SHANK2: variants seen among roughly 807,000 people sequenced by gnomAD.
The protein encoded by SHANK2 is SH3 and multiple ankyrin repeat domains protein 2.
SHANK2 carries 43 observed loss-of-function variants against 133.7 expected under a neutral mutation model. The observed-to-expected ratio is 0.32, with a 90% CI of 0.25 to 0.41. SHANK2 has a LOEUF of 0.41. Ranked by LOEUF, SHANK2 falls within the 10% of genes least tolerant of loss-of-function variation. The probability of loss-of-function intolerance (pLI) is 1.00; values close to 1 mark genes in which losing one functional copy is unlikely to be tolerated. For missense variants in SHANK2, 1,994 were observed against 2,235.8 expected, an observed-to-expected ratio of 0.89 and a Z score of 2.18; for synonymous variants, 1,017 against 952.8, an observed-to-expected ratio of 1.07 and a Z score of -1.24.
intron 11 of SHANK2, among the ~76,000 whole-genome samples, chr11:70,846,155 G>A (rs555305673): frequency 9.8e-5 from 15 of 152,288 alleles, no homozygotes; most frequent in East Asian, 1.9e-4. Context: ...AGAGGGTGCC[G>A]GTGGTGGGGT....
chr11:70,519,389 C>G (rs913629945), intron 17 of SHANK2, among the ~76,000 whole-genome samples: 1 of 152,178 alleles, frequency 6.6e-6, no homozygotes. Flanking sequence ...CATGGTGGCT[C>G]ACGCCTGTAA....
chr11:70,943,717 T>G (rs782212154), intron 10 of SHANK2, among the ~76,000 whole-genome samples: 14 of 152,098 alleles, frequency 9.2e-5, no homozygotes, highest in Non-Finnish European at 2.1e-4. Flanking sequence ...ATATTAAAGA[T>G]TTTCTCTAAA....
At chr11:70,935,043 C>T (rs1218251233) in intron 10 of SHANK2, among the ~76,000 whole-genome samples, 7 of 152,120 alleles carry the variant, frequency 4.6e-5, no homozygotes, top group Non-Finnish European at 7.4e-5. Flanking sequence ...TCCTTACCTG[C>T]GGTTTCAGTT....
At chr11:71,217,673 C>T (rs1954441050) in intron 2 of SHANK2, among the ~76,000 whole-genome samples, 1 of 152,060 alleles carries the variant, frequency 6.6e-6, no homozygotes, top group Non-Finnish European at 1.5e-5. Flanking sequence ...ATATCCTGAC[C>T]CCGCGTAGGC....
rs1951007818 is a variant in SHANK2 at position 71,063,095 on chromosome 11, G to C, written c.1030-6537C>G. 2.0e-5 allele frequency among the ~76,000 whole-genome samples: 3 copies of C among 151,514 alleles called. No homozygotes were observed. In the South Asian group the frequency reaches 6.3e-4, roughly 32 times the overall value. On this transcript the variant is annotated intron_variant, in intron 9 of 25. Coordinates refer to ENST00000601538, the MANE Select transcript of SHANK2 (RefSeq NM_012309.5). Reference sequence around the variant, plus strand: ...AGGGAGAAAGAGAAAGAGAAAGACAGGGAGGGAGGGAAAAGAAAGAAAAAG... The same window carrying C: ...AGGGAGAAAGAGAAAGAGAAAGACACGGAGGGAGGGAAAAGAAAGAAAAAG...
At chr11:70,496,512 G>A (rs1300673644) in intron 21 of SHANK2, among the ~76,000 whole-genome samples, 1 of 152,200 alleles carries the variant, frequency 6.6e-6, no homozygotes, top group Admixed American at 6.5e-5. Flanking sequence ...GTGTGCCCAG[G>A]GTGAAGGAAA....
intron 21 of SHANK2, chr11:70,496,876 C>A (rs1346757841): frequency 1.1e-5 from 5 of 440,452 alleles, no homozygotes; most frequent in Non-Finnish European, 2.3e-5. Context: ...GTGGGGGCAC[C>A]CTACCCATCA....
intron 15 of SHANK2, among the ~76,000 whole-genome samples, chr11:70,662,356 T>C (rs1390898189): frequency 6.6e-6 from 1 of 152,044 alleles, no homozygotes; most frequent in African/African-American, 2.4e-5. Flanking sequence ...GAGCCCACAG[T>C]GCGCCCGGCG....
chr11:70,630,967 C>T (rs2060977041), intron 17 of SHANK2: 1 of 152,300 alleles, frequency 6.6e-6, no homozygotes, highest in South Asian at 2.1e-4. Flanking sequence ...ATCCTCAGGA[C>T]TAGCCGGGGC....
intron 14 of SHANK2, among the ~76,000 whole-genome samples, chr11:70,762,364 G>C (rs1004636736): frequency 2.0e-5 from 3 of 152,198 alleles, no homozygotes; most frequent in Non-Finnish European, 4.4e-5. Flanking sequence ...CTGTCGGTTA[G>C]TGGCATCCAG....
chr11:70,829,755 C>T (rs1948699648), intron 11 of SHANK2, among the ~76,000 whole-genome samples: 2 of 152,240 alleles, frequency 1.3e-5, no homozygotes, highest in South Asian at 4.1e-4. Flanking sequence ...TCGGAGGAGG[C>T]TGAGTAAACC....
chr11:71,061,975 T>C (rs1429410688), intron 9 of SHANK2, among the ~76,000 whole-genome samples: 17 of 146,054 alleles, frequency 1.2e-4, no homozygotes, highest in Non-Finnish European at 1.8e-4. Context: ...TTCTTTCTTT[T>C]TTTTTTTTTT....
chr11:70,946,325 A>G (rs373192963), intron 10 of SHANK2, among the ~76,000 whole-genome samples: 7,499 of 74,258 alleles, frequency 0.1, 635 homozygotes, highest in African/African-American at 0.2. Context: ...ACTAACCAAC[A>G]CTTCCCAGGA....
At chr11:70,608,720 C>T (rs1394264138) in intron 17 of SHANK2, among the ~76,000 whole-genome samples, 3 of 152,180 alleles carry the variant, frequency 2.0e-5, no homozygotes, top group Middle Eastern at 3.2e-3. Flanking sequence ...CACGGGCTCC[C>T]GGAAACCCAT....
intron 17 of SHANK2, among the ~76,000 whole-genome samples, chr11:70,641,004 C>A (rs1405246712): frequency 6.6e-6 from 1 of 152,076 alleles, no homozygotes; most frequent in Non-Finnish European, 1.5e-5. Flanking sequence ...GCCTGGCATC[C>A]CTCCCTGATG....
intron 1 of SHANK2, among the ~76,000 whole-genome samples, chr11:71,250,963 G>T (rs974716582): frequency 6.6e-6 from 1 of 152,142 alleles, no homozygotes; most frequent in Non-Finnish European, 1.5e-5. Context: ...CGAAAAAGAG[G>T]TCACTCAACT....
chr11:70,494,961 C>T (rs547495157), intron 21 of SHANK2, among the ~76,000 whole-genome samples: 1 of 152,212 alleles, frequency 6.6e-6, no homozygotes, highest in Non-Finnish European at 1.5e-5. Flanking sequence ...GAGCCTGATG[C>T]CTCCTTGGGG....
At position 70,470,460 on chromosome 11, in the gene SHANK2, T is replaced by G. The variant is rs1555148208; in HGVS notation, c.*2409A>C. On this transcript the variant is annotated 3_prime_UTR_variant, in exon 26 of 26. Transcript: ENST00000601538. ...GCCAGCGGTTTCCTTGACTCTCCTT[T>G]GAGCTAGTGTTTTGCCTGGCACTGA... is the stretch of plus-strand genomic sequence containing the variant. The G allele has an allele frequency of 6.6e-6, 1 of 152,516 alleles. No individual in the cohort carries two copies. The highest frequency in any genetic ancestry group is 1.5e-5 in the Non-Finnish European group (1 of 68,028). The allele number at this position is 152,516 out of a possible 1,614,324, so 9.4% of individuals were successfully genotyped here. A position where few individuals can be genotyped will look rare whatever the true frequency, so the allele number is the denominator to read the frequency against.
chr11:70,486,894 A>G lies in SHANK2; in HGVS notation c.3399T>C (p.Ala1133=). The change falls in exon 25 of 26, where the codon GCT becomes GCC. Residue 1133 remains alanine, a synonymous_variant. Transcript: ENST00000601538. This position sits in a 1 kb window ranked among gnomAD's most constrained non-coding sequence, Gnocchi z 8.0. ...ACAGCTGCTCAGCGCTGTCCTCGTC[A>G]GCAAAATCCCCCTCCTCGGGGAACA... The part of the protein sequence containing the change: ...PSMFPEEGDF[A]DEDSAEQLSS... 6.2e-7 allele frequency: 1 copy of G among 1,612,668 alleles called. No homozygotes were observed. Among genetic ancestry groups the G allele is most frequent in the Non-Finnish European group, 8.5e-7 (1 of 1,179,830 alleles).
Sources: gnomAD v4.1 joint callset for allele counts (sites outside exome capture counted in the v4.1 genomes callset) on GRCh38, gnomAD v4.1.1 for gene constraint, Gnocchi (gnomAD v3.1) non-coding constraint, MANE v1.5 for transcripts, NCBI Gene and HGNC (gene_info 2026-07-23, HGNC 2026-07-21) for gene names.